The following RUNX3 variants were observed in gnomAD, a reference collection of about 807,000 sequenced individuals.
RUNX3 encodes the protein RUNX family transcription factor 3, also known as runt-related transcription factor 3.
In RUNX3, 10 loss-of-function variants were observed where a neutral mutation model predicts 27.7. The observed-to-expected ratio is 0.36, with a 90% CI of 0.22 to 0.61. RUNX3 has a LOEUF of 0.61. Among genes scored for constraint, RUNX3 ranks in the 20% least tolerant of loss-of-function variants. The pLI is 0.72. For missense variants in RUNX3, 469 were observed against 629.5 expected (o/e 0.75, Z 2.73); for synonymous variants, 270 against 269.2 (o/e 1.00, Z -0.03).
chr1:24,907,385 G>C lies in RUNX3; in HGVS notation c.577C>G (p.Pro193Ala). Reference protein sequence around the residue: ...HRQKLEDQTKPFPDRFGDLER... With the variant: ...HRQKLEDQTKAFPDRFGDLER... ...AGGTCCCCAAAGCGGTCAGGGAACGGCTTGGTCTGGTCCTCCAGCTTCTGC... is the reference window on the plus strand; with the variant it reads ...AGGTCCCCAAAGCGGTCAGGGAACGCCTTGGTCTGGTCCTCCAGCTTCTGC... The change falls in exon 4 of 5, where the codon CCG becomes GCG. Residue 193 changes from proline to alanine, a missense_variant. Around this residue, in one of 3 missense-constraint regions of RUNX3, gnomAD observed 279 missense variants for 343.0 expected, o/e 0.81. Coordinates refer to ENST00000308873, the MANE Select transcript of RUNX3 (RefSeq NM_004350.3). 6.2e-7 allele frequency: 1 copy of C among 1,613,746 alleles called. No individual in the cohort carries two copies. Among genetic ancestry groups the C allele is most frequent in the East Asian group, 2.2e-5 (1 of 44,878 alleles).
chr1:24,918,548 G>A (rs1300061119), intron 3 of RUNX3, among the ~76,000 whole-genome samples: 7 of 152,170 alleles, frequency 4.6e-5, no homozygotes, highest in African/African-American at 1.4e-4. Flanking sequence ...TGGAGCTCAG[G>A]AAGCTGGCTG....
rs142980074 is a variant in RUNX3 at position 24,944,524 on chromosome 1, C to T, written c.59-14672G>A. Among the ~76,000 whole-genome samples, 562 of 152,276 alleles carry T rather than the reference C, an allele frequency of 3.7e-3. 4 individuals are homozygous for T. Among genetic ancestry groups the T allele is most frequent in the Middle Eastern group, 0.027 (8 of 294 alleles). Reference sequence around the variant, plus strand: ...TTACCTTATATGGCAAAAGGGACTTCGCAGATGTGATGAAGGATAAAGACT... The same window carrying T: ...TTACCTTATATGGCAAAAGGGACTTTGCAGATGTGATGAAGGATAAAGACT... On this transcript the variant is annotated intron_variant, in intron 2 of 6. Coordinates refer to the RUNX3 transcript ENST00000338888.
At chr1:24,934,776 C>T (rs1641310747), upstream of RUNX3, among the ~76,000 whole-genome samples, 1 of 152,158 alleles carries the variant, frequency 6.6e-6, no homozygotes, top group African/African-American at 2.4e-5. Flanking sequence ...GCACTCTCCT[C>T]CTAGTGGCTG....
At chr1:24,926,582 C>G (rs539834662) in intron 2 of RUNX3, among the ~76,000 whole-genome samples, 236 of 152,284 alleles carry the variant, frequency 1.5e-3, no homozygotes, top group African/African-American at 5.5e-3. Flanking sequence ...AAATGGTGCC[C>G]AGATGCCTGT....
In RUNX3 at chr1:24,904,750, C is replaced by T. The variant is rs1436643234; in HGVS notation, c.704-2084G>A. ...GGGCCTCCCTGGACCTGCCACCATCCCCTCCAGCCTCTTTCCTCAGGGCCA... is the reference window on the plus strand; with the variant it reads ...GGGCCTCCCTGGACCTGCCACCATCTCCTCCAGCCTCTTTCCTCAGGGCCA... On this transcript the variant is annotated intron_variant, in intron 4 of 4. Coordinates refer to ENST00000308873, the MANE Select transcript of RUNX3 (RefSeq NM_004350.3). This position sits in a 1 kb window ranked among gnomAD's most constrained non-coding sequence, Gnocchi z 5.7. Among the ~76,000 whole-genome samples, 1 of 152,004 alleles carries T rather than the reference C, an allele frequency of 6.6e-6. No homozygotes were observed. The highest frequency in any genetic ancestry group is 1.5e-5 in the Non-Finnish European group (1 of 67,948).
Position 24,907,440 on chromosome 1 carries a change from C to T in RUNX3, c.545-23G>A, listed in dbSNP as rs1322582200. 3 of 1,599,498 alleles carry T rather than the reference C, an allele frequency of 1.9e-6. No individual in the cohort carries two copies. In the South Asian group the frequency reaches 3.3e-5, roughly 18 times the overall value. The stretch of plus-strand genomic sequence containing the variant: ...GCCCTGCAGAGCACAGGAAGCCCAT[C>T]AGCCGTTGCTTCCCCAGAGTCTCAG... On this transcript the variant is annotated intron_variant, in intron 3 of 4. Transcript: ENST00000308873.
chr1:24,929,442 G>A, intron 1 of RUNX3, 145 bp downstream of exon 1: 1 of 827,264 alleles, frequency 1.2e-6, no homozygotes, highest in Non-Finnish European at 2.0e-6. Context: ...AGCCGAGCGC[G>A]CAGCCAGACT....
intron 2 of RUNX3, among the ~76,000 whole-genome samples, chr1:24,957,653 G>A (rs1322908669): frequency 6.6e-6 from 1 of 152,250 alleles, no homozygotes; most frequent in Non-Finnish European, 1.5e-5. Context: ...TTTTGCAGAG[G>A]AGGAGGAACA....
intron 2 of RUNX3, among the ~76,000 whole-genome samples, chr1:24,925,431 T>C (rs1241145631): frequency 6.6e-6 from 1 of 151,992 alleles, no homozygotes; most frequent in Non-Finnish European, 1.5e-5. Context: ...CTCTAACATG[T>C]ATCCAGCTCT....
At position 24,901,921 on chromosome 1, in the gene RUNX3, G is replaced by C. The variant is rs74060466; in HGVS notation, c.*201C>G. 7.8e-5 allele frequency: 42 copies of C among 537,524 alleles called. No individual in the cohort carries two copies. Among genetic ancestry groups the C allele is most frequent in the African/African-American group, 7.0e-4 (37 of 52,496 alleles). The allele number at this position is 537,524 out of a possible 1,614,324, so 33.3% of individuals were successfully genotyped here. Reference sequence around the variant, plus strand: ...CGGGGGCAGTATCCCGGGCCGGGGTGGGGGTGGTAACCTATGCCTCTGTAC... The same window carrying C: ...CGGGGGCAGTATCCCGGGCCGGGGTCGGGGTGGTAACCTATGCCTCTGTAC... On this transcript the variant is annotated 3_prime_UTR_variant, in exon 5 of 5. Transcript: ENST00000308873.
At chr1:24,908,793 C>T (rs981726390) in intron 3 of RUNX3, among the ~76,000 whole-genome samples, 32 of 152,350 alleles carry the variant, frequency 2.1e-4, no homozygotes, top group Admixed American at 1.5e-3. Context: ...ACACTGTCTC[C>T]CATGTCTACA....
At chr1:24,930,439 G>A (rs966670434), upstream of RUNX3, among the ~76,000 whole-genome samples, 1 of 152,034 alleles carries the variant, frequency 6.6e-6, no homozygotes, top group Non-Finnish European at 1.5e-5. This position sits in a 1 kb window ranked among gnomAD's most constrained non-coding sequence, Gnocchi z 4.1. Flanking sequence ...AACGGGGAGG[G>A]GCGGAAGGCG....
At chr1:24,912,926 A>C (rs995812237) in intron 3 of RUNX3, among the ~76,000 whole-genome samples, 1 of 152,152 alleles carries the variant, frequency 6.6e-6, no homozygotes, top group Non-Finnish European at 1.5e-5. Context: ...CTGCAGGCCC[A>C]GGAGGATAGG....
At chr1:24,925,290 C>A (rs1641077399) in intron 2 of RUNX3, among the ~76,000 whole-genome samples, 1 of 152,152 alleles carries the variant, frequency 6.6e-6, no homozygotes, top group Non-Finnish European at 1.5e-5. Context: ...CTCTCCCACT[C>A]AGCAGTTCAC....
intron 2 of RUNX3, among the ~76,000 whole-genome samples, chr1:24,960,212 C>G (rs1642069598): frequency 6.6e-6 from 1 of 152,250 alleles, no homozygotes. Flanking sequence ...TTCCCCCGGG[C>G]TCCCAGTACA....
Position 24,916,250 on chromosome 1 carries a change from T to TG in RUNX3, c.544+2989dup, listed in dbSNP as rs1640887085. Among the ~76,000 whole-genome samples, 3 of 152,176 alleles carry TG rather than the reference T, an allele frequency of 2.0e-5. No homozygotes were observed. Among genetic ancestry groups the TG allele is most frequent in the Admixed American group, 2.0e-4 (3 of 15,286 alleles). On this transcript the variant is annotated intron_variant, in intron 3 of 4. Transcript: ENST00000308873. This position sits in a 1 kb window ranked among gnomAD's most constrained non-coding sequence, Gnocchi z 4.8. ...GGCCTGTAACAACCTGTGAAGGTTG[T>TG]GGGGGCACTTCCTGGGGCCAGGCCC...
At chr1:24,910,162 G>A (rs1166412563) in intron 3 of RUNX3, among the ~76,000 whole-genome samples, 3 of 152,110 alleles carry the variant, frequency 2.0e-5, no homozygotes, top group African/African-American at 4.8e-5. Flanking sequence ...GGTGGCGGGC[G>A]CCTATGATCC....
intron 2 of RUNX3, among the ~76,000 whole-genome samples, chr1:24,941,211 T>C (rs1641471560): frequency 6.6e-6 from 1 of 152,186 alleles, no homozygotes; most frequent in African/African-American, 2.4e-5. Context: ...CAGCCCCTGC[T>C]GAGCACGCTC....
At chr1:24,928,368 G>T (rs368377898) in intron 1 of RUNX3, among the ~76,000 whole-genome samples, 1 of 152,172 alleles carries the variant, frequency 6.6e-6, no homozygotes, top group Non-Finnish European at 1.5e-5. Context: ...TGCACCTGCC[G>T]GGAATTGCAG....
Sources: allele counts gnomAD v4.1 joint callset (sites outside exome capture counted in the v4.1 genomes callset), GRCh38; gene constraint gnomAD v4.1.1; regional missense constraint gnomAD v4.1.1; non-coding constraint Gnocchi (gnomAD v3.1); transcripts MANE v1.5; gene names NCBI Gene and HGNC (gene_info 2026-07-23, HGNC 2026-07-21).